FHIT: variants seen among roughly 807,000 people sequenced by gnomAD.
FHIT encodes bis(5'-adenosyl)-triphosphatase.
A neutral mutation model predicts 17.9 loss-of-function variants in FHIT; 19 were observed. The observed-to-expected ratio is 1.06, with a 90% CI of 0.74 to 1.56. The LOEUF is 1.56. Ranked by LOEUF, FHIT falls within the 40% of genes most tolerant of loss-of-function variation. FHIT has a pLI of 0.00. For missense variants in FHIT, 248 were observed against 189.2 expected (o/e 1.31, Z -1.82); for synonymous variants, 81 against 69.7 (o/e 1.16, Z -0.81).
chr3:59,924,140 A>C (rs150202589), intron 7 of FHIT, among the ~76,000 whole-genome samples: 97 of 152,322 alleles, frequency 6.4e-4, no homozygotes, highest in African/African-American at 2.3e-3. Context: ...AATCTACTGA[A>C]ATCTCCAGAT....
rs916002139 is a variant in FHIT at position 60,230,038 on chromosome 3, A to G, written c.104-215886T>C. Among the ~76,000 whole-genome samples the G allele has an allele frequency of 3.3e-5, 5 of 152,214 alleles. No homozygotes were observed. In the East Asian group the frequency reaches 7.7e-4, roughly 23 times the overall value. ...GCCACTCACCTCTATGCCAAATACC[A>G]TATTTTACTTAAGATTTCAAATCTC... On this transcript the variant is annotated intron_variant, in intron 5 of 9. Coordinates refer to ENST00000492590, the MANE Select transcript of FHIT (RefSeq NM_002012.4).
chr3:61,020,719 G>A (rs555806203), intron 3 of FHIT, among the ~76,000 whole-genome samples: 30 of 152,268 alleles, frequency 2.0e-4, no homozygotes, highest in Non-Finnish European at 1.0e-4. Flanking sequence ...GAAAGATGCA[G>A]ACTGGCAAAT....
chr3:60,902,653 C>T (rs2107230075), intron 3 of FHIT, among the ~76,000 whole-genome samples: 1 of 152,298 alleles, frequency 6.6e-6, no homozygotes, highest in Admixed American at 6.5e-5. Context: ...GTAGCTATTG[C>T]ACCACCACAA....
At position 60,753,936 on chromosome 3, in the gene FHIT, A is replaced by C. The variant is rs1553717598; in HGVS notation, c.-18+67983T>G. On this transcript the variant is annotated intron_variant, in intron 4 of 9. Transcript: ENST00000492590. ...AGGATAAATAAAAGATTACAAGGAA[A>C]AAAAAAAGCAGTGATTTCTGGTTGT... 2.6e-5 allele frequency among the ~76,000 whole-genome samples: 4 copies of C among 152,198 alleles called. No individual in the cohort carries two copies. The East Asian group carries it at 7.7e-4, about 29-fold the overall frequency.
intron 4 of FHIT, among the ~76,000 whole-genome samples, chr3:60,808,342 T>C (rs557080580): frequency 1.2e-4 from 19 of 152,338 alleles, no homozygotes; most frequent in South Asian, 4.1e-4. Context: ...ATTATGCATA[T>C]ATTTTGATAA....
intron 2 of FHIT, among the ~76,000 whole-genome samples, chr3:61,128,183 T>C (rs961187977): frequency 2.0e-5 from 3 of 152,048 alleles, no homozygotes; most frequent in Non-Finnish European, 4.4e-5. Context: ...AAGAAAGAGA[T>C]AAACTCCAGC....
At chr3:60,586,199 T>C (rs1553661825) in intron 4 of FHIT, among the ~76,000 whole-genome samples, 3 of 151,952 alleles carry the variant, frequency 2.0e-5, no homozygotes, top group Non-Finnish European at 4.4e-5. Flanking sequence ...CTGAGTTCTT[T>C]TACATCTATT....
At chr3:60,796,457 C>A (rs573871232) in intron 4 of FHIT, among the ~76,000 whole-genome samples, 3 of 151,938 alleles carry the variant, frequency 2.0e-5, no homozygotes, top group African/African-American at 7.3e-5. Flanking sequence ...TTCTTCTAAG[C>A]GAGGCTTTAG....
chr3:60,285,845 G>C (rs1411378955), intron 5 of FHIT, among the ~76,000 whole-genome samples: 1 of 152,122 alleles, frequency 6.6e-6, no homozygotes, highest in African/African-American at 2.4e-5. Context: ...ATATTACTTA[G>C]CATTGGGATA....
chr3:60,586,448 G>A (rs1553662032), intron 4 of FHIT, among the ~76,000 whole-genome samples: 1 of 151,902 alleles, frequency 6.6e-6, no homozygotes, highest in African/African-American at 2.4e-5. Flanking sequence ...ATTCAAAGAG[G>A]TAAAAACAGA....
intron 8 of FHIT, among the ~76,000 whole-genome samples, chr3:59,896,665 C>A (rs1272410922): frequency 6.6e-6 from 1 of 152,016 alleles, no homozygotes; most frequent in Non-Finnish European, 1.5e-5. Context: ...AATACATAAC[C>A]ATAGCAATGA....
At chr3:60,517,267 C>T (rs1327104849) in intron 5 of FHIT, among the ~76,000 whole-genome samples, 2 of 152,162 alleles carry the variant, frequency 1.3e-5, no homozygotes, top group Non-Finnish European at 2.9e-5. Context: ...TTTGAGAACA[C>T]ACAACTTGTT....
intron 3 of FHIT, among the ~76,000 whole-genome samples, chr3:60,927,036 G>A (rs887066941): frequency 6.6e-6 from 1 of 151,990 alleles, no homozygotes; most frequent in African/African-American, 2.4e-5. Flanking sequence ...CACTTTCCAC[G>A]GTCTCCCTCT....
In FHIT at chr3:60,938,002, T is replaced by TCC. The variant is rs1431925807; in HGVS notation, c.-111+104044_-111+104045insGG. On this transcript the variant is annotated intron_variant, in intron 3 of 9. Transcript: ENST00000492590. ...CAGAAGGCCTGAGGGACTCTGTTTC[T>TCC]CTACAGGTCAGCTCCAAAGCAGAGG... Among the ~76,000 whole-genome samples the TCC allele has an allele frequency of 1.4e-4, 22 of 152,272 alleles. No individual in the cohort carries two copies. In the South Asian group the frequency reaches 4.4e-3, roughly 30 times the overall value.
chr3:60,682,227 TC>T (rs2040766916), intron 4 of FHIT, among the ~76,000 whole-genome samples: 1 of 152,090 alleles, frequency 6.6e-6, no homozygotes, highest in Non-Finnish European at 1.5e-5. Flanking sequence ...TGCCTCGGCC[TC>T]CCACAATGCT....
At chr3:60,104,373 T>C (rs1704319361) in intron 5 of FHIT, among the ~76,000 whole-genome samples, 1 of 152,156 alleles carries the variant, frequency 6.6e-6, no homozygotes, top group Admixed American at 6.5e-5. Context: ...TAATTATCTT[T>C]GAAATGACCC....
At chr3:60,804,075 C>T (rs1307008282) in intron 4 of FHIT, among the ~76,000 whole-genome samples, 4 of 152,142 alleles carry the variant, frequency 2.6e-5, no homozygotes, top group Non-Finnish European at 5.9e-5. Flanking sequence ...AAGAATGTAA[C>T]CCCGGAAGGC....
At chr3:60,261,423 T>C (rs1265890793) in intron 5 of FHIT, among the ~76,000 whole-genome samples, 2 of 152,168 alleles carry the variant, frequency 1.3e-5, no homozygotes, top group African/African-American at 2.4e-5. Flanking sequence ...AAATACACTA[T>C]AATTATCACA....
At chr3:61,242,291 CAA>C (rs972326510) in intron 1 of FHIT, among the ~76,000 whole-genome samples, 1 of 147,596 alleles carries the variant, frequency 6.8e-6, no homozygotes. Context: ...AAAACAACAA[CAA>C]AAAAAAAAAC....
Sources: gnomAD v4.1 joint callset for allele counts (sites outside exome capture counted in the v4.1 genomes callset) on GRCh38, gnomAD v4.1.1 for gene constraint, MANE v1.5 for transcripts, NCBI Gene and HGNC (gene_info 2026-07-23, HGNC 2026-07-21) for gene names.